Variants in C8orf89 observed in about 807,000 individuals in gnomAD.
The protein encoded by C8orf89 is putative uncharacterized protein C8orf89.
Under a neutral mutation model 15.8 loss-of-function variants are expected in C8orf89, and 14 were observed. That is an observed-to-expected ratio of 0.89 (90% CI 0.59 to 1.39). C8orf89 has a LOEUF of 1.39. C8orf89 is among the 40% of genes most tolerant of loss of function. The pLI is 0.00. For missense variants in C8orf89, 181 were observed against 184.5 expected, an observed-to-expected ratio of 0.98 and a Z score of 0.11; for synonymous variants, 55 against 62.2, an observed-to-expected ratio of 0.88 and a Z score of 0.54.
the C8orf89 span, among the ~76,000 whole-genome samples, chr8:73,283,234 T>C: frequency 1.3e-5 from 2 of 152,216 alleles, no homozygotes; most frequent in African/African-American, 4.8e-5. Context: ...CATTGGACCA[T>C]GTCCAATTGT....
At chr8:73,253,477 T>G (rs1813295987) in intron 2 of C8orf89, among the ~76,000 whole-genome samples, 1 of 151,900 alleles carries the variant, frequency 6.6e-6, no homozygotes, top group Admixed American at 6.6e-5. Flanking sequence ...GTGAAGAAAG[T>G]CATTGGTAGC....
chr8:73,274,703 T>G, the C8orf89 span, among the ~76,000 whole-genome samples: 1 of 152,220 alleles, frequency 6.6e-6, no homozygotes, highest in Non-Finnish European at 1.5e-5. Context: ...TGTGAATCCT[T>G]GAAGTCTGCT....
the C8orf89 span, among the ~76,000 whole-genome samples, chr8:73,285,619 C>T: frequency 2.6e-5 from 4 of 152,230 alleles, no homozygotes; most frequent in Non-Finnish European, 4.4e-5. Context: ...TCACTGTGCC[C>T]GCAGCTGCAC....
At chr8:73,273,922 C>T in the C8orf89 span, among the ~76,000 whole-genome samples, 3 of 151,916 alleles carry the variant, frequency 2.0e-5, no homozygotes, top group Admixed American at 6.6e-5. Context: ...ACTCTTAAAA[C>T]TACTAAATAG....
chr8:73,244,086 CAAGTT>C (rs1414574870), intron 3 of C8orf89, among the ~76,000 whole-genome samples: 2 of 152,108 alleles, frequency 1.3e-5, no homozygotes, highest in African/African-American at 4.8e-5. Flanking sequence ...ACATGCCTAT[CAAGTT>C]ATTTTCTTCA....
chr8:73,247,708 T>C (rs1813157203), intron 3 of C8orf89, among the ~76,000 whole-genome samples: 1 of 152,268 alleles, frequency 6.6e-6, no homozygotes, highest in African/African-American at 2.4e-5. Flanking sequence ...GTTGAGCTTT[T>C]TTTTCATATG....
chr8:73,263,000 A>C (rs954976398), upstream of C8orf89, among the ~76,000 whole-genome samples: 2 of 152,122 alleles, frequency 1.3e-5, no homozygotes, highest in Non-Finnish European at 1.5e-5. Flanking sequence ...AACTAATAAA[A>C]AGGCTATTTA....
intron 3 of C8orf89, 70 bp downstream of exon 3, chr8:73,250,197 AT>A (rs1015552480): frequency 2.7e-5 from 25 of 935,018 alleles, no homozygotes; most frequent in Admixed American, 8.3e-5. Context: ...AAAGAAAGGA[AT>A]TTTTTTTAAA....
At chr8:73,280,447 T>G in the C8orf89 span, among the ~76,000 whole-genome samples, 1 of 152,184 alleles carries the variant, frequency 6.6e-6, no homozygotes, top group African/African-American at 2.4e-5. Context: ...CTCAGCTCAC[T>G]GCAACCTCCA....
At chr8:73,262,869 T>C (rs1320538054), upstream of C8orf89, among the ~76,000 whole-genome samples, 1 of 151,960 alleles carries the variant, frequency 6.6e-6, no homozygotes, top group Non-Finnish European at 1.5e-5. Flanking sequence ...TCTGCAAGAA[T>C]ATATAACTTA....
Position 73,244,310 on chromosome 8 carries a change from G to A in C8orf89, c.338-2705C>T, listed in dbSNP as rs566731254. On this transcript the variant is annotated intron_variant, in intron 3 of 3. Transcript: ENST00000624510. ...ATGAAATAGTCATCTGTACTATCTC[G>A]AGTTACAGATTTTAAAAAGACAATT... is the stretch of plus-strand genomic sequence containing the variant. Among the ~76,000 whole-genome samples the A allele has an allele frequency of 9.9e-5, 15 of 152,120 alleles. No individual in the cohort carries two copies. In the East Asian group the frequency reaches 2.5e-3, roughly 25 times the overall value.
At chr8:73,262,162 A>C (rs1813541197), upstream of C8orf89, among the ~76,000 whole-genome samples, 1 of 152,222 alleles carries the variant, frequency 6.6e-6, no homozygotes, top group South Asian at 2.1e-4. Context: ...TCCAGACTCT[A>C]ACAGCTTCTT....
At chr8:73,248,494 A>G (rs189082167) in intron 3 of C8orf89, among the ~76,000 whole-genome samples, 1 of 152,242 alleles carries the variant, frequency 6.6e-6, no homozygotes, top group East Asian at 1.9e-4. Context: ...TTGGTAGTTT[A>G]ATAGGAATCA....
At chr8:73,256,000 C>A (rs1169690322) in intron 2 of C8orf89, among the ~76,000 whole-genome samples, 4 of 150,940 alleles carry the variant, frequency 2.7e-5, no homozygotes, top group African/African-American at 4.9e-5. Flanking sequence ...AGGAGATATA[C>A]CTAATGCTAA....
the C8orf89 span, among the ~76,000 whole-genome samples, chr8:73,276,967 C>T: frequency 2.0e-5 from 3 of 151,954 alleles, no homozygotes; most frequent in Non-Finnish European, 4.4e-5. Context: ...CCACCATGCC[C>T]GGCTGATTTT....
chr8:73,260,375 T>C (rs182021084), upstream of C8orf89, among the ~76,000 whole-genome samples: 854 of 144,194 alleles, frequency 5.9e-3, 12 homozygotes, highest in African/African-American at 0.021. Context: ...CATCACACCC[T>C]GGGGCCTGTC....
intron 3 of C8orf89, among the ~76,000 whole-genome samples, chr8:73,244,925 A>G (rs1813091066): frequency 6.6e-6 from 1 of 152,218 alleles, no homozygotes; most frequent in East Asian, 1.9e-4. Flanking sequence ...GTATTAGTCC[A>G]TTTTTATGCT....
At chr8:73,271,809 G>A in the C8orf89 span, among the ~76,000 whole-genome samples, 3 of 152,028 alleles carry the variant, frequency 2.0e-5, no homozygotes, top group East Asian at 5.8e-4. Flanking sequence ...CAATCATGAG[G>A]GGGGAAACCA....
At chr8:73,283,115 A>C in the C8orf89 span, among the ~76,000 whole-genome samples, 1 of 152,196 alleles carries the variant, frequency 6.6e-6, no homozygotes, top group African/African-American at 2.4e-5. Context: ...GATTTGAGAG[A>C]AAGAAGAAAA....
Sources: allele counts gnomAD v4.1 joint callset (sites outside exome capture counted in the v4.1 genomes callset), GRCh38; gene constraint gnomAD v4.1.1; transcripts MANE v1.5; gene names NCBI Gene and HGNC (gene_info 2026-07-23, HGNC 2026-07-21).